RARB: variants seen among roughly 807,000 people sequenced by gnomAD.
RARB encodes the protein retinoic acid receptor beta, also known as HBV-activated protein.
Under a neutral mutation model 51.9 loss-of-function variants are expected in RARB, and 17 were observed. That is an observed-to-expected ratio of 0.33 (90% confidence interval 0.22 to 0.49). The LOEUF (loss-of-function observed/expected upper bound fraction) is 0.49. Ranked by LOEUF, RARB falls within the 20% of genes least tolerant of loss-of-function variation. The pLI is 0.99. For missense variants in RARB, 369 were observed against 550.8 expected (o/e 0.67, Z 3.30); for synonymous variants, 215 against 195.4 (o/e 1.10, Z -0.84).
chr3:24,952,829 A>G (rs1432749373), intron 2 of RARB, among the ~76,000 whole-genome samples: 1 of 152,048 alleles, frequency 6.6e-6, no homozygotes, highest in Non-Finnish European at 1.5e-5. Context: ...CATTGAATTT[A>G]AGGTTGTTAC....
intron 4 of RARB, among the ~76,000 whole-genome samples, chr3:25,160,098 C>T (rs1700449582): frequency 6.6e-6 from 1 of 152,188 alleles, no homozygotes; most frequent in South Asian, 2.1e-4. Flanking sequence ...AGAACCCTGT[C>T]ATTCTTTCCT....
At chr3:25,044,882 T>C (rs879529678) in intron 2 of RARB, among the ~76,000 whole-genome samples, 1 of 152,136 alleles carries the variant, frequency 6.6e-6, no homozygotes, top group Non-Finnish European at 1.5e-5. Flanking sequence ...CAGTCCTGTC[T>C]CTCTTTATTA....
chr3:25,173,569 C>T (rs17015894), intron 4 of RARB, among the ~76,000 whole-genome samples: 6 of 151,972 alleles, frequency 3.9e-5, no homozygotes, highest in Non-Finnish European at 5.9e-5. Flanking sequence ...AAATAGCCAC[C>T]GTAAAATCCA....
chr3:24,875,138 T>C (rs1409511155), intron 2 of RARB, among the ~76,000 whole-genome samples: 2 of 152,206 alleles, frequency 1.3e-5, no homozygotes, highest in Admixed American at 6.5e-5. Context: ...AAAAAAGATT[T>C]ACATACAAGT....
intron 2 of RARB, among the ~76,000 whole-genome samples, chr3:25,496,463 T>G (rs1364126043): frequency 6.6e-6 from 1 of 151,900 alleles, no homozygotes; most frequent in Admixed American, 6.6e-5. Context: ...CCTATCCTAC[T>G]CCCCTGTCAG....
chr3:25,222,540 C>G (rs1701969626), intron 5 of RARB, among the ~76,000 whole-genome samples: 1 of 151,652 alleles, frequency 6.6e-6, no homozygotes. Context: ...GATGCCACTC[C>G]AATAAATAGA....
rs115125139 is a variant in RARB at position 25,187,102 on chromosome 3, C to T, written c.178+12527C>T. Among the ~76,000 whole-genome samples, 597 of 152,058 alleles carry T rather than the reference C, an allele frequency of 3.9e-3. 3 individuals carry two copies. Among genetic ancestry groups the T allele is most frequent in the African/African-American group, 0.013 (555 of 41,490 alleles). On this transcript the variant is annotated intron_variant, in intron 5 of 11. Coordinates refer to the RARB transcript ENST00000383772. Reference sequence around the variant, plus strand: ...TCTTCAGAGATAGGGATGTGCCTTTCCTCCTCTTATTGGGAGGGAACCTCT... The same window carrying T: ...TCTTCAGAGATAGGGATGTGCCTTTTCTCCTCTTATTGGGAGGGAACCTCT...
chr3:24,902,327 A>G (rs1474781358), intron 2 of RARB, among the ~76,000 whole-genome samples: 1 of 152,188 alleles, frequency 6.6e-6, no homozygotes, highest in East Asian at 1.9e-4. Flanking sequence ...GAGCAGGTCA[A>G]CCAATGAGGT....
At chr3:25,014,506 A>C (rs1697467003) in intron 2 of RARB, among the ~76,000 whole-genome samples, 1 of 152,142 alleles carries the variant, frequency 6.6e-6, no homozygotes, top group African/African-American at 2.4e-5. Context: ...GACCCCAGTC[A>C]TGTAGACGAA....
chr3:25,109,632 TTCA>T (rs1183757755), intron 3 of RARB, among the ~76,000 whole-genome samples: 4 of 152,154 alleles, frequency 2.6e-5, no homozygotes, highest in Non-Finnish European at 1.5e-5. Flanking sequence ...TGCAACCACA[TTCA>T]TCATTTCCAG....
At chr3:25,142,038 A>T (rs974463551) in intron 4 of RARB, among the ~76,000 whole-genome samples, 1 of 152,262 alleles carries the variant, frequency 6.6e-6, no homozygotes, top group Non-Finnish European at 1.5e-5. Context: ...CTTGTTAGAC[A>T]TAAAACATCT....
chr3:25,477,166 A>G (rs1420521152), intron 2 of RARB, among the ~76,000 whole-genome samples: 2 of 152,242 alleles, frequency 1.3e-5, no homozygotes, highest in East Asian at 3.8e-4. Flanking sequence ...TGAAAATGTC[A>G]ATAGGCATCC....
chr3:25,445,152 G>T (rs1708874097), intron 1 of RARB, among the ~76,000 whole-genome samples: 1 of 152,026 alleles, frequency 6.6e-6, no homozygotes, highest in Non-Finnish European at 1.5e-5. Flanking sequence ...ATTTCACTGT[G>T]TTGCCCAGGC....
At chr3:25,269,325 C>T (rs946320246) in intron 5 of RARB, among the ~76,000 whole-genome samples, 1 of 152,112 alleles carries the variant, frequency 6.6e-6, no homozygotes, top group Non-Finnish European at 1.5e-5. Context: ...AACGTATATG[C>T]CCCACAAAGC....
At chr3:25,322,209 T>TA (rs1403275528) in intron 5 of RARB, among the ~76,000 whole-genome samples, 1 of 66,254 alleles carries the variant, frequency 1.5e-5, no homozygotes, top group Non-Finnish European at 2.8e-5. Context: ...ATTTAATAAA[T>TA]GTTGGGGGGC....
At chr3:25,060,705 T>C (rs1261720849) in intron 3 of RARB, among the ~76,000 whole-genome samples, 2 of 151,772 alleles carry the variant, frequency 1.3e-5, no homozygotes, top group African/African-American at 4.8e-5. Context: ...AAACATAAAG[T>C]TTATCATGGG....
chr3:25,593,804 T>TC, intron 6 of RARB, 97 bp downstream of exon 6: 3 of 1,230,848 alleles, frequency 2.4e-6, no homozygotes, highest in Middle Eastern at 2.3e-4. Context: ...GGAGTTGTTT[T>TC]ACATGGGAAA....
intron 3 of RARB, among the ~76,000 whole-genome samples, chr3:25,518,087 C>T (rs190096685): frequency 2.6e-3 from 395 of 152,278 alleles, no homozygotes; most frequent in Non-Finnish European, 4.1e-3. Flanking sequence ...ATATTAAAAA[C>T]CACTGAATAA....
At chr3:25,258,176 C>T (rs1301197876) in intron 5 of RARB, among the ~76,000 whole-genome samples, 2 of 152,076 alleles carry the variant, frequency 1.3e-5, no homozygotes, top group Non-Finnish European at 2.9e-5. Flanking sequence ...ACTGAGGAAC[C>T]TCTGAGGTTC....
Sources: gnomAD v4.1 joint callset for allele counts (sites outside exome capture counted in the v4.1 genomes callset) on GRCh38, gnomAD v4.1.1 for gene constraint, MANE v1.5 for transcripts, NCBI Gene and HGNC (gene_info 2026-07-23, HGNC 2026-07-21) for gene names.